Variants in SYN3 observed in about 807,000 individuals in gnomAD.
SYN3 encodes the protein synapsin-3.
SYN3 carries 35 observed loss-of-function variants against 65.8 expected under a neutral mutation model. The observed-to-expected ratio is 0.53, with a 90% confidence interval of 0.41 to 0.70. The LOEUF is 0.70. SYN3 is among the 30% of genes least tolerant of loss of function. The pLI is 0.00. For missense variants in SYN3, 680 were observed against 749.0 expected, an observed-to-expected ratio of 0.91 and a Z score of 1.08; for synonymous variants, 270 against 292.9, an observed-to-expected ratio of 0.92 and a Z score of 0.80.
At chr22:32,579,248 T>G (rs1172144977) in intron 7 of SYN3, among the ~76,000 whole-genome samples, 1 of 152,242 alleles carries the variant, frequency 6.6e-6, no homozygotes. Flanking sequence ...ATTTGTTGAA[T>G]GAATGTAAGA....
chr22:32,664,584 C>CTT (rs71320943), intron 6 of SYN3, among the ~76,000 whole-genome samples: 1,049 of 69,046 alleles, frequency 0.015, 215 homozygotes, highest in Non-Finnish European at 0.022. Flanking sequence ...CAATTGGTCG[C>CTT]TTTTTTTTTT....
rs374514251 is a variant in SYN3, at chr22:32,714,693, G to A, written c.712-117957C>T. ...AAAATGATTACCTAAATCTTGTTGC[G>A]AATGCCACCCCACTAGACATTATAA... On this transcript the variant is annotated intron_variant, in intron 6 of 13. Transcript: ENST00000358763. Among the ~76,000 whole-genome samples, 16 of 151,898 alleles carry A rather than the reference G, an allele frequency of 1.1e-4. 1 individual carries two copies. The highest frequency in any genetic ancestry group is 5.8e-4 in the East Asian group (3 of 5,174).
chr22:32,514,230 T>C (rs2057734167), intron 13 of SYN3, among the ~76,000 whole-genome samples: 1 of 152,086 alleles, frequency 6.6e-6, no homozygotes, highest in African/African-American at 2.4e-5. Flanking sequence ...CAACATCAGG[T>C]TATAGTTATT....
At chr22:32,783,313 G>A (rs147278498) in intron 6 of SYN3, 1 of 152,318 alleles carries the variant, frequency 6.6e-6, no homozygotes, top group African/African-American at 2.4e-5. Flanking sequence ...GGACGGGTTG[G>A]AGTACACTTG....
At chr22:33,045,894 A>C (rs1007090068) in intron 1 of SYN3, among the ~76,000 whole-genome samples, 1 of 152,012 alleles carries the variant, frequency 6.6e-6, no homozygotes, top group African/African-American at 2.4e-5. Flanking sequence ...CTCTTAATAC[A>C]CAGCATTCAG....
intron 6 of SYN3, among the ~76,000 whole-genome samples, chr22:32,674,119 A>G (rs2060408993): frequency 6.6e-6 from 1 of 152,088 alleles, no homozygotes. Flanking sequence ...AGGGCAGCCT[A>G]GATATGGGTA....
chr22:32,838,260 G>A (rs1009548347), intron 6 of SYN3, among the ~76,000 whole-genome samples: 1 of 152,182 alleles, frequency 6.6e-6, no homozygotes, highest in African/African-American at 2.4e-5. Flanking sequence ...GAGAAGGAGG[G>A]GGGGTGGCAA....
chr22:32,688,178 T>G (rs1408536418), intron 6 of SYN3, among the ~76,000 whole-genome samples: 1 of 152,172 alleles, frequency 6.6e-6, no homozygotes, highest in Non-Finnish European at 1.5e-5. Flanking sequence ...AGTGGTACCT[T>G]CAACCCCACT....
At chr22:32,606,264 G>A (rs28520112) in intron 6 of SYN3, among the ~76,000 whole-genome samples, 5,643 of 152,274 alleles carry the variant, frequency 0.037, 352 homozygotes, top group African/African-American at 0.13. Context: ...AGCGCGTTAC[G>A]AAGCCTTTGA....
At chr22:33,021,469 T>C (rs2053558274) in intron 1 of SYN3, among the ~76,000 whole-genome samples, 1 of 152,218 alleles carries the variant, frequency 6.6e-6, no homozygotes, top group Admixed American at 6.5e-5. Flanking sequence ...GCCTAACACC[T>C]GGCTCTCCTA....
At chr22:32,917,081 GCATT>G (rs1021269136) in intron 4 of SYN3, among the ~76,000 whole-genome samples, 4 of 152,156 alleles carry the variant, frequency 2.6e-5, no homozygotes, top group African/African-American at 9.7e-5. Flanking sequence ...CATTCAGAGA[GCATT>G]CACTATATTT....
chr22:32,556,374 T>A (rs1312769822), intron 7 of SYN3, among the ~76,000 whole-genome samples: 1 of 152,240 alleles, frequency 6.6e-6, no homozygotes, highest in African/African-American at 2.4e-5. Flanking sequence ...CACATGGTAC[T>A]TAGTTTTTGG....
intron 6 of SYN3, among the ~76,000 whole-genome samples, chr22:32,789,603 G>A (rs1220373053): frequency 6.6e-6 from 1 of 152,188 alleles, no homozygotes; most frequent in Non-Finnish European, 1.5e-5. Context: ...AGAATTATTA[G>A]TACTTAAATA....
intron 2 of SYN3, among the ~76,000 whole-genome samples, chr22:32,998,302 G>C (rs2145756184): frequency 6.6e-6 from 1 of 152,334 alleles, no homozygotes; most frequent in East Asian, 1.9e-4. Context: ...ATTAATCCTT[G>C]TTTGGTAGGA....
chr22:32,590,639 T>C (rs977609374), intron 7 of SYN3, among the ~76,000 whole-genome samples: 1 of 152,258 alleles, frequency 6.6e-6, no homozygotes, highest in Non-Finnish European at 1.5e-5. Flanking sequence ...ATGTACTTTC[T>C]GTGTGTCTGT....
intron 3 of SYN3, among the ~76,000 whole-genome samples, chr22:32,936,482 G>GA (rs1188266181): frequency 1.4e-5 from 2 of 146,776 alleles, no homozygotes; most frequent in East Asian, 1.9e-4. Flanking sequence ...AATCTGCAGA[G>GA]AAAAAATAAA....
intron 1 of SYN3, among the ~76,000 whole-genome samples, chr22:33,035,790 T>C (rs2053848649): frequency 6.6e-6 from 1 of 152,154 alleles, no homozygotes; most frequent in Non-Finnish European, 1.5e-5. Context: ...ATATGTTGCC[T>C]AAGCTGGTCT....
intron 2 of SYN3, among the ~76,000 whole-genome samples, chr22:32,995,072 C>T (rs1451668716): frequency 6.6e-6 from 1 of 152,138 alleles, no homozygotes; most frequent in African/African-American, 2.4e-5. Context: ...CCCACAGTAC[C>T]CAGGCCGTCT....
intron 6 of SYN3, among the ~76,000 whole-genome samples, chr22:32,782,522 T>G (rs1165983770): frequency 1.3e-5 from 2 of 149,386 alleles, no homozygotes; most frequent in Non-Finnish European, 3.0e-5. Flanking sequence ...ATTCTTTTTT[T>G]TTTTTTTTTT....
Sources: gnomAD v4.1 joint callset for allele counts (sites outside exome capture counted in the v4.1 genomes callset) on GRCh38, gnomAD v4.1.1 for gene constraint, MANE v1.5 for transcripts, NCBI Gene and HGNC (gene_info 2026-07-23, HGNC 2026-07-21) for gene names.